EPB41: variants seen among roughly 807,000 people sequenced by gnomAD.
The protein encoded by EPB41 is erythrocyte membrane protein band 4.1, also known as protein 4.1.
A neutral mutation model predicts 108.0 loss-of-function variants in EPB41; 65 were observed. The ratio of observed to expected loss-of-function variants is 0.60; its 90% CI spans 0.49 to 0.74. The LOEUF (loss-of-function observed/expected upper bound fraction) is 0.74. Ranked by LOEUF, EPB41 falls within the 30% of genes least tolerant of loss-of-function variation. EPB41 has a pLI of 0.00. For synonymous variants in EPB41, 336 were observed against 358.9 expected (o/e 0.94, Z 0.72); for missense variants, 875 against 1,037.0 (o/e 0.84, Z 2.15).
chr1:28,904,138 T>C (rs2091561015), intron 1 of EPB41, among the ~76,000 whole-genome samples: 1 of 151,778 alleles, frequency 6.6e-6, no homozygotes, highest in African/African-American at 2.4e-5. Context: ...GTGTTGAGAT[T>C]ACAGGCATGA....
At chr1:29,079,609 C>T (rs1007605586) in intron 16 of EPB41, among the ~76,000 whole-genome samples, 18 of 149,670 alleles carry the variant, frequency 1.2e-4, no homozygotes, top group East Asian at 4.1e-4. Context: ...TGGAGTTTCA[C>T]CATGTTGGCC....
intron 1 of EPB41, among the ~76,000 whole-genome samples, chr1:28,982,010 G>T (rs561681463): frequency 9.9e-5 from 15 of 151,866 alleles, no homozygotes; most frequent in African/African-American, 3.6e-4. Context: ...TCGTCATTTA[G>T]CATTAGGTAT....
chr1:29,027,450 G>T (rs1376769303), intron 7 of EPB41, among the ~76,000 whole-genome samples: 2 of 151,526 alleles, frequency 1.3e-5, no homozygotes, highest in Non-Finnish European at 2.9e-5. Flanking sequence ...TCCTGCCTCA[G>T]CCTCCCAAGT....
intron 16 of EPB41, among the ~76,000 whole-genome samples, chr1:29,078,972 T>C (rs1196967810): frequency 1.3e-5 from 2 of 151,946 alleles, no homozygotes; most frequent in Non-Finnish European, 2.9e-5. Flanking sequence ...AGATATATAA[T>C]GAACATGGTA....
At position 29,110,182 on chromosome 1, in the gene EPB41, C is replaced by CAA. The variant is rs35536525; in HGVS notation, c.2415+757_2415+758dup. ...GAAACCTCATCTGTACAAAAAAATA[C>CAA]AAAAAAAAAAAAATGTGCTGGGCAT... On this transcript the variant is annotated intron_variant, in intron 18 of 20. Transcript: ENST00000343067. Among the ~76,000 whole-genome samples the CAA allele has an allele frequency of 4.8e-3, 691 of 145,302 alleles. 5 individuals are homozygous for CAA. Among genetic ancestry groups the CAA allele is most frequent in the Middle Eastern group, 0.011 (3 of 278 alleles).
At chr1:28,894,856 G>A (rs2090497574) in intron 1 of EPB41, among the ~76,000 whole-genome samples, 1 of 152,102 alleles carries the variant, frequency 6.6e-6, no homozygotes, top group African/African-American at 2.4e-5. Flanking sequence ...TTCTGGGAGG[G>A]GACTATGTGT....
At chr1:28,982,329 C>T in intron 1 of EPB41, 1 of 642,020 alleles carries the variant, frequency 1.6e-6, no homozygotes, top group Non-Finnish European at 3.0e-6. Context: ...TCTTTTATCT[C>T]TTTTCAAACT....
intron 16 of EPB41, among the ~76,000 whole-genome samples, chr1:29,095,696 C>G (rs1662956237): frequency 2.0e-5 from 3 of 151,592 alleles, no homozygotes; most frequent in South Asian, 4.2e-4. Flanking sequence ...CCCTTAAACC[C>G]AGGAATTCAA....
intron 16 of EPB41, among the ~76,000 whole-genome samples, chr1:29,091,179 T>C: frequency 6.6e-6 from 1 of 152,246 alleles, no homozygotes; most frequent in East Asian, 1.9e-4. Context: ...AATAGCTTCT[T>C]GATGACAGAC....
chr1:28,929,679 G>T (rs2093633427), intron 1 of EPB41, among the ~76,000 whole-genome samples: 1 of 151,734 alleles, frequency 6.6e-6, no homozygotes, highest in Admixed American at 6.6e-5. Context: ...TTAGAGGCAT[G>T]CGCCACCACG....
At chr1:28,927,648 C>G (rs1275784754) in intron 1 of EPB41, among the ~76,000 whole-genome samples, 2 of 152,116 alleles carry the variant, frequency 1.3e-5, no homozygotes, top group African/African-American at 4.8e-5. Context: ...AAATCCCTCC[C>G]TCCCCCTTCT....
chr1:29,104,685 G>A (rs1042950919), intron 17 of EPB41, among the ~76,000 whole-genome samples: 7 of 152,118 alleles, frequency 4.6e-5, no homozygotes, highest in African/African-American at 1.7e-4. Context: ...CCGGGTTCAA[G>A]CAATTCTCCT....
intron 16 of EPB41, among the ~76,000 whole-genome samples, chr1:29,094,363 A>G (rs866770173): frequency 6.6e-6 from 1 of 151,938 alleles, no homozygotes; most frequent in Non-Finnish European, 1.5e-5. Flanking sequence ...TGCAACCTCC[A>G]CTTTCCGAGT....
intron 1 of EPB41, among the ~76,000 whole-genome samples, chr1:28,934,025 AC>A (rs1383047099): frequency 6.6e-6 from 1 of 152,112 alleles, no homozygotes; most frequent in Non-Finnish European, 1.5e-5. Context: ...GTTCCTGAAT[AC>A]CATCCAGGAT....
chr1:29,060,742 C>T (rs947535934), intron 15 of EPB41, among the ~76,000 whole-genome samples: 45 of 152,276 alleles, frequency 3.0e-4, no homozygotes, highest in Middle Eastern at 3.4e-3. Context: ...CTCATGGTTC[C>T]ATTGTTTTAC....
In EPB41 at chr1:29,033,117, C is replaced by G. The variant is rs767339169; in HGVS notation, c.1237C>G (p.Leu413Val). 1 of 1,613,740 alleles carries G rather than the reference C, an allele frequency of 6.2e-7. No homozygotes were observed. Among genetic ancestry groups the G allele is most frequent in the African/African-American group, 1.3e-5 (1 of 74,870 alleles). The change falls in exon 9 of 21, where the codon CTA becomes GTA. Residue 413 changes from leucine (L) to valine (V), a missense_variant. Around this residue, in one of 3 missense-constraint regions of EPB41, gnomAD observed 519 missense variants for 627.3 expected, o/e 0.83. Transcript: ENST00000343067. ...GGACTTGGAAGGAGTAGATATCATC[C>G]TAGGTGTCTGCTCTAGTGGCCTTCT... ...AKDLEGVDII[L>V]GVCSSGLLVY...
intron 1 of EPB41, among the ~76,000 whole-genome samples, chr1:28,929,351 A>C (rs150086): frequency 6.7e-6 from 1 of 148,680 alleles, no homozygotes; most frequent in African/African-American, 2.5e-5. Context: ...TCAGCCTCCC[A>C]AGTAGCTGGA....
At chr1:29,040,044 C>G (rs1640910074) in intron 11 of EPB41, among the ~76,000 whole-genome samples, 1 of 151,970 alleles carries the variant, frequency 6.6e-6, no homozygotes, top group African/African-American at 2.4e-5. Context: ...GAACTGAAGG[C>G]CTCTTAGCAT....
At chr1:28,896,593 G>A (rs2090689445) in intron 1 of EPB41, among the ~76,000 whole-genome samples, 1 of 152,136 alleles carries the variant, frequency 6.6e-6, no homozygotes, top group Admixed American at 6.5e-5. Context: ...CAAAGGGCAG[G>A]AAAAAAGACA....
Sources: gnomAD v4.1 joint callset for allele counts (sites outside exome capture counted in the v4.1 genomes callset) on GRCh38, gnomAD v4.1.1 for gene constraint, gnomAD v4.1.1 regional missense constraint, MANE v1.5 for transcripts, NCBI Gene and HGNC (gene_info 2026-07-23, HGNC 2026-07-21) for gene names.